ZNF98: variants seen among roughly 807,000 people sequenced by gnomAD.
ZNF98 encodes zinc finger protein 98, also known as zinc finger protein 739.
A neutral mutation model predicts 12.8 loss-of-function variants in ZNF98; 8 were observed. The observed-to-expected ratio is 0.63, with a 90% CI of 0.37 to 1.13. The LOEUF (loss-of-function observed/expected upper bound fraction) is 1.13. ZNF98 is among the 50% of genes most tolerant of loss of function. The probability of loss-of-function intolerance (pLI) is 0.01; values close to 1 mark genes in which losing one functional copy is unlikely to be tolerated. For missense variants in ZNF98, 379 were observed against 666.1 expected, an observed-to-expected ratio of 0.57 and a Z score of 4.74; for synonymous variants, 112 against 223.5, an observed-to-expected ratio of 0.50 and a Z score of 4.45.
intron 1 of ZNF98, 71 bp downstream of exon 1, chr19:22,422,124 C>T: frequency 6.3e-6 from 10 of 1,598,790 alleles, no homozygotes; most frequent in Non-Finnish European, 7.7e-6. Flanking sequence ...CTGAGTCCCG[C>T]CACAGCCTCT....
intron 3 of ZNF98, among the ~76,000 whole-genome samples, chr19:22,396,093 A>C (rs1969389961): frequency 6.6e-6 from 1 of 152,140 alleles, no homozygotes; most frequent in African/African-American, 2.4e-5. Context: ...TTTCCAGGAA[A>C]GATATGCACA....
In ZNF98 at chr19:22,391,581, T is replaced by C. The variant is rs759348425; in HGVS notation, c.1654A>G (p.Asn552Asp). Residue 552 changes from asparagine (N) to aspartate (D), a missense_variant, in exon 4 of 4, where the codon AAC becomes GAC. Asn to Asp is a conservative substitution (Grantham distance 23). Coordinates refer to ENST00000357774, the MANE Select transcript of ZNF98 (RefSeq NM_001098626.2). ...GEKLYKPESC[N>D]NACDNIAKIS... ...TTTGCAATGTTGTCACAAGCATTGTTACAACTTTCAGGTTTGTAGAGTTTC... is the reference window on the plus strand; with the variant it reads ...TTTGCAATGTTGTCACAAGCATTGTCACAACTTTCAGGTTTGTAGAGTTTC... 5.0e-5 allele frequency: 80 copies of C among 1,605,258 alleles called. No homozygotes were observed. Among genetic ancestry groups the C allele is most frequent in the Middle Eastern group, 5.0e-4 (3 of 6,056 alleles).
At chr19:22,397,966 T>C (rs1343442758) in intron 3 of ZNF98, among the ~76,000 whole-genome samples, 1 of 150,652 alleles carries the variant, frequency 6.6e-6, no homozygotes, top group Admixed American at 6.7e-5. Context: ...ATATATAAAC[T>C]CTCACATATA....
At chr19:22,413,106 C>T (rs1395379841) in intron 1 of ZNF98, among the ~76,000 whole-genome samples, 1 of 151,534 alleles carries the variant, frequency 6.6e-6, no homozygotes, top group Non-Finnish European at 1.5e-5. Flanking sequence ...AATGAGTTAT[C>T]CATCACAAAC....
chr19:22,407,896 C>G (rs1969539601), intron 1 of ZNF98, among the ~76,000 whole-genome samples: 1 of 151,656 alleles, frequency 6.6e-6, no homozygotes, highest in Non-Finnish European at 1.5e-5. Context: ...ATGGAGAAAC[C>G]CCGTCTCTAC....
chr19:22,399,684 T>C (rs940549331), intron 3 of ZNF98, among the ~76,000 whole-genome samples: 22 of 152,134 alleles, frequency 1.4e-4, no homozygotes, highest in African/African-American at 5.3e-4. Flanking sequence ...AATGTCTAAA[T>C]CTAAAACTAC....
Position 22,392,902 on chromosome 19 carries a change from T to C in ZNF98, c.333A>G (p.Thr111=), listed in dbSNP as rs754125724. 2 of 1,603,072 alleles carry C rather than the reference T, an allele frequency of 1.2e-6. No individual in the cohort carries two copies. The highest frequency in any genetic ancestry group is 1.7e-5 in the Admixed American group (1 of 57,208). The part of the protein sequence containing the change: ...KNYFQKVILR[T]YKKCGRENLQ... ...AATTTTCACGTCCACATTTTTTATA[T>C]GTTCTCAGTATCACTTTTTGGAAAT... The change falls in exon 4 of 4, where the codon ACA becomes ACG. Residue 111 remains threonine (T), a synonymous_variant. Transcript: ENST00000357774.
In ZNF98 at chr19:22,391,410, T is replaced by A; in HGVS notation, c.*106A>T. The A allele has an allele frequency of 6.7e-7, 1 of 1,487,694 alleles. No individual in the cohort carries two copies. The highest frequency in any genetic ancestry group is 8.9e-7 in the Non-Finnish European group (1 of 1,120,358). 92.2% of individuals were successfully genotyped at this position (1,487,694 alleles called of 1,614,324 possible). ...CAATAAGGTTTGAGCATTGTGTAAG[T>A]TTTGCCACACTGTTCACACTTGTAG... On this transcript the variant is annotated 3_prime_UTR_variant, in exon 4 of 4. Transcript: ENST00000357774.
At chr19:22,403,921 A>C (rs145359963) in intron 1 of ZNF98, among the ~76,000 whole-genome samples, 626 of 152,340 alleles carry the variant, frequency 4.1e-3, no homozygotes, top group African/African-American at 0.014. Context: ...AATGCAGATT[A>C]TTTTTTCAGA....
At chr19:22,415,507 T>A (rs2145121840) in intron 1 of ZNF98, among the ~76,000 whole-genome samples, 1 of 151,886 alleles carries the variant, frequency 6.6e-6, no homozygotes, top group African/African-American at 2.4e-5. Flanking sequence ...CCATGATGGC[T>A]CACACCTGTA....
chr19:22,407,888 G>T (rs763330354), intron 1 of ZNF98, among the ~76,000 whole-genome samples: 4 of 151,826 alleles, frequency 2.6e-5, no homozygotes, highest in Non-Finnish European at 4.4e-5. Context: ...TGACCAACAT[G>T]GAGAAACCCC....
rs140054266 is a variant in ZNF98 at position 22,394,410 on chromosome 19, A to C, written c.254-1429T>G. On this transcript the variant is annotated intron_variant, in intron 3 of 3. Coordinates refer to ENST00000357774, the MANE Select transcript of ZNF98 (RefSeq NM_001098626.2). ...ACGTACATTTATTGCGGCACTATTC[A>C]CAATAGCAAAGACTTGGAACCAACC... Among the ~76,000 whole-genome samples the C allele has an allele frequency of 1.3e-3, 192 of 152,310 alleles. 1 individual carries two copies. The highest frequency in any genetic ancestry group is 4.4e-3 in the African/African-American group (181 of 41,542).
rs1969318833 is a variant in ZNF98, at chr19:22,391,309, G to A, written c.*207C>T. The A allele has an allele frequency of 9.7e-7, 1 of 1,034,412 alleles. No homozygotes were observed. The highest frequency in any genetic ancestry group is 1.4e-6 in the Non-Finnish European group (1 of 731,810). The allele number at this position is 1,034,412 out of a possible 1,614,324, so 64.1% of individuals were successfully genotyped here. ...AATTCTCTGATGCTGAATAAGATGT[G>A]TGCAGATATTAATCACTTTTTTACT... On this transcript the variant is annotated 3_prime_UTR_variant, in exon 4 of 4. Transcript: ENST00000357774.
intron 3 of ZNF98, among the ~76,000 whole-genome samples, chr19:22,397,170 T>C (rs1350035489): frequency 6.7e-6 from 1 of 149,370 alleles, no homozygotes; most frequent in Non-Finnish European, 1.5e-5. Context: ...TGGGAACCTA[T>C]GACAAATCTG....
chr19:22,398,113 T>C (rs1251681235), intron 3 of ZNF98, among the ~76,000 whole-genome samples: 3 of 152,034 alleles, frequency 2.0e-5, no homozygotes, highest in South Asian at 2.1e-4. Flanking sequence ...TGCCAAAATA[T>C]TACTCAGTTT....
chr19:22,392,851 G>C lies in ZNF98; in HGVS notation c.384C>G (p.Ser128Arg), dbSNP rs1163572260. The change falls in exon 4 of 4, where the codon AGC (serine) becomes AGG (arginine). Residue 128 changes from serine (S) to arginine (R), a missense_variant. Coordinates refer to ENST00000357774, the MANE Select transcript of ZNF98 (RefSeq NM_001098626.2). ...CTTTGTGCACCTTACACTCATCCAT[G>C]CTTTTACAGTATTTTCTTAACTGTA... is the stretch of plus-strand genomic sequence containing the variant. ...ENLQLRKYCK[S>R]MDECKVHKEC... 2 of 1,610,768 alleles carry C rather than the reference G, an allele frequency of 1.2e-6. No homozygotes were observed. Among genetic ancestry groups the C allele is most frequent in the East Asian group, 4.5e-5 (2 of 44,832 alleles).
chr19:22,393,467 G>GT (rs1486044681), intron 3 of ZNF98, among the ~76,000 whole-genome samples: 1 of 151,678 alleles, frequency 6.6e-6, no homozygotes, highest in African/African-American at 2.4e-5. Context: ...GAGATGAAAG[G>GT]TAAGGTACCA....
chr19:22,397,122 A>C (rs1411976748), intron 3 of ZNF98, among the ~76,000 whole-genome samples: 1 of 57,924 alleles, frequency 1.7e-5, no homozygotes, highest in Non-Finnish European at 6.3e-5. Context: ...CTGTCTCAAA[A>C]AAAAACAACA....
intron 1 of ZNF98, 102 bp downstream of exon 1, chr19:22,422,093 T>G: frequency 7.0e-7 from 1 of 1,433,442 alleles, no homozygotes. Context: ...GCACGGATTG[T>G]GGAGCTGACA....
Sources: allele counts gnomAD v4.1 joint callset (sites outside exome capture counted in the v4.1 genomes callset), GRCh38; gene constraint gnomAD v4.1.1; transcripts MANE v1.5; gene names NCBI Gene and HGNC (gene_info 2026-07-23, HGNC 2026-07-21).